The following HNRNPLL variants were observed in gnomAD, a reference collection of about 807,000 sequenced individuals.
HNRNPLL encodes heterogeneous nuclear ribonucleoprotein L-like.
A neutral mutation model predicts 67.1 loss-of-function variants in HNRNPLL; 25 were observed. That is an observed-to-expected ratio of 0.37 (90% CI 0.27 to 0.52). HNRNPLL has a LOEUF of 0.52. HNRNPLL is among the 20% of genes least tolerant of loss of function. The pLI, the probability that HNRNPLL is intolerant of heterozygous loss-of-function variation, is 0.90. For missense variants in HNRNPLL, 542 were observed against 673.9 expected (o/e 0.80, Z 2.17); for synonymous variants, 267 against 241.7 (o/e 1.10, Z -0.97).
intron 1 of HNRNPLL, among the ~76,000 whole-genome samples, chr2:38,600,474 C>G (rs887427392): frequency 5.9e-5 from 9 of 152,082 alleles, no homozygotes; most frequent in Admixed American, 4.6e-4. Flanking sequence ...CGGCTGTAAT[C>G]CCAGCACTTT....
chr2:38,575,487 T>A (rs542970789), intron 7 of HNRNPLL, among the ~76,000 whole-genome samples: 2 of 151,962 alleles, frequency 1.3e-5, no homozygotes, highest in African/African-American at 4.8e-5. Flanking sequence ...AATCTATGTA[T>A]CAATTTCTGC....
Position 38,602,531 on chromosome 2 carries a change from G to T in HNRNPLL, c.96C>A (p.Ile32=), listed in dbSNP as rs747433177. The T allele has an allele frequency of 8.3e-6, 13 of 1,556,944 alleles. No homozygotes were observed. Among genetic ancestry groups the T allele is most frequent in the African/African-American group, 5.4e-5 (4 of 73,616 alleles). The change falls in exon 1 of 13, where the codon ATC becomes ATA. Residue 32 remains isoleucine (I), a synonymous_variant. Transcript: ENST00000449105. ...TCTCGCCTTCCTCGGCCGAGTAGTC[G>T]ATCTCCCCCTCCTCGGTCTTGAGAC... The part of the protein sequence containing the change: ...AKRLKTEEGE[I]DYSAEEGENR...
chr2:38,569,036 G>A, intron 10 of HNRNPLL, 97 bp downstream of exon 10: 1 of 859,094 alleles, frequency 1.2e-6, no homozygotes, highest in Non-Finnish European at 1.9e-6. Flanking sequence ...AACATCAAAA[G>A]CAAAAGAATG....
intron 2 of HNRNPLL, 137 bp from the exon 3 acceptor site, chr2:38,586,018 A>C: frequency 4.6e-6 from 3 of 657,656 alleles, no homozygotes; most frequent in South Asian, 3.7e-5. Context: ...TGTCCAACGT[A>C]AGTCAACTTT....
At chr2:38,573,164 C>T (rs2148345050) in intron 8 of HNRNPLL, 46 bp downstream of exon 8, 1 of 1,284,278 alleles carries the variant, frequency 7.8e-7, no homozygotes, top group African/African-American at 1.5e-5. Context: ...TTCAGAGTTA[C>T]CACTGAATAT....
rs750815541 is a variant in HNRNPLL, at chr2:38,573,430, AT to A, written c.875-4del. 2 of 1,581,244 alleles carry A rather than the reference AT, an allele frequency of 1.3e-6. No individual in the cohort carries two copies. The highest frequency in any genetic ancestry group is 2.7e-5 in the African/African-American group (2 of 73,654). ...AGGCAATAATGGACCATGGGATCCT[AT>A]AAAAATGATCAAAATAAATAAATTA... On this transcript the variant is annotated splice_polypyrimidine_tract_variant and splice_region_variant and intron_variant, in intron 7 of 12. Transcript: ENST00000449105.
Position 38,582,830 on chromosome 2 carries a change from G to C in HNRNPLL, c.633-662C>G, listed in dbSNP as rs116607314. On this transcript the variant is annotated intron_variant, in intron 4 of 12. Transcript: ENST00000449105. ...AGCTACTTGGGAGGCTGAGACACGG[G>C]AATCACTTGACCACCCTGGGCAACA... is the stretch of plus-strand genomic sequence containing the variant. Among the ~76,000 whole-genome samples, 615 of 150,452 alleles carry C rather than the reference G, an allele frequency of 4.1e-3. 4 individuals carry two copies. The highest frequency in any genetic ancestry group is 0.014 in the African/African-American group (581 of 40,786).
intron 1 of HNRNPLL, among the ~76,000 whole-genome samples, chr2:38,596,871 C>A (rs1667214637): frequency 6.6e-6 from 1 of 152,148 alleles, no homozygotes; most frequent in Admixed American, 6.5e-5. Context: ...ATGCACTTTA[C>A]AAACTTACAT....
In HNRNPLL at chr2:38,569,341, A is replaced by G. The variant is rs1665983526; in HGVS notation, c.1215-7T>C. The G allele has an allele frequency of 6.3e-7, 1 of 1,591,588 alleles. No individual in the cohort carries two copies. Among genetic ancestry groups the G allele is most frequent in the South Asian group, 1.1e-5 (1 of 90,558 alleles). ...TGAATGTTGTTTAGACACGCTAAAGATTGTAAAGAAAAGACATACAAAAGT... is the reference window on the plus strand; with the variant it reads ...TGAATGTTGTTTAGACACGCTAAAGGTTGTAAAGAAAAGACATACAAAAGT... On this transcript the variant is annotated splice_region_variant and splice_polypyrimidine_tract_variant and intron_variant, in intron 9 of 12. Transcript: ENST00000449105.
chr2:38,594,418 G>A (rs1178113300), intron 1 of HNRNPLL, among the ~76,000 whole-genome samples: 1 of 152,040 alleles, frequency 6.6e-6, no homozygotes, highest in Non-Finnish European at 1.5e-5. Flanking sequence ...GGCATGAAAT[G>A]TCATGATGTT....
intron 2 of HNRNPLL, among the ~76,000 whole-genome samples, chr2:38,590,439 T>G (rs752765520): frequency 4.6e-5 from 7 of 152,172 alleles, no homozygotes; most frequent in Non-Finnish European, 8.8e-5. Context: ...ACTTGATCTG[T>G]GTCTTCGATA....
chr2:38,588,899 A>T (rs1666847170), intron 2 of HNRNPLL, among the ~76,000 whole-genome samples: 1 of 152,128 alleles, frequency 6.6e-6, no homozygotes, highest in South Asian at 2.1e-4. Flanking sequence ...CAGAGAGAAA[A>T]GGCTAAAGAA....
chr2:38,590,200 A>C (rs528238399), intron 2 of HNRNPLL, among the ~76,000 whole-genome samples: 1 of 152,210 alleles, frequency 6.6e-6, no homozygotes, highest in Non-Finnish European at 1.5e-5. Context: ...CACCCAAGAA[A>C]ATAAAATTAT....
intron 3 of HNRNPLL, among the ~76,000 whole-genome samples, chr2:38,585,158 T>C (rs1466011353): frequency 2.0e-5 from 3 of 152,178 alleles, no homozygotes; most frequent in African/African-American, 7.2e-5. Flanking sequence ...AAATCCTTTT[T>C]AAAACTTCTA....
rs767467059 is a variant in HNRNPLL at position 38,602,603 on chromosome 2, G to A, written c.24C>T (p.Pro8=). 21 of 1,563,810 alleles carry A rather than the reference G, an allele frequency of 1.3e-5. No individual in the cohort carries two copies. Among genetic ancestry groups the A allele is most frequent in the African/African-American group, 1.4e-5 (1 of 72,410 alleles). The part of the protein sequence containing the change: MSSSSSS[P]RETYEEDREY... ...CCCGGTCCTCCTCGTACGTCTCCCT[G>A]GGGGAGGAAGAGGAGGAGGACATGG... is the stretch of plus-strand genomic sequence containing the variant. Residue 8 remains proline, a synonymous_variant, in exon 1 of 13, where the codon CCC becomes CCT. Coordinates refer to ENST00000449105, the MANE Select transcript of HNRNPLL (RefSeq NM_138394.4).
chr2:38,564,024 A>G lies in HNRNPLL; in HGVS notation c.*158T>C. ...TGAAAACAATTCAATATTTAAGCTT[A>G]CAACAAATTTACTCAAGGCAAAATA... On this transcript the variant is annotated 3_prime_UTR_variant, in exon 13 of 13. Transcript: ENST00000449105. 1 of 599,606 alleles carries G rather than the reference A, an allele frequency of 1.7e-6. No individual in the cohort carries two copies. Among genetic ancestry groups the G allele is most frequent in the Non-Finnish European group, 3.0e-6 (1 of 333,690 alleles). 37.1% of individuals were successfully genotyped at this position (599,606 alleles called of 1,614,324 possible). A position where few individuals can be genotyped will look rare whatever the true frequency, so the allele number is the denominator to read the frequency against.
chr2:38,571,646 T>C (rs1666089027), intron 8 of HNRNPLL, among the ~76,000 whole-genome samples: 1 of 152,182 alleles, frequency 6.6e-6, no homozygotes, highest in Non-Finnish European at 1.5e-5. Context: ...CCAATGACTA[T>C]CTGCAAATCT....
At chr2:38,574,028 T>C (rs1189871420) in intron 7 of HNRNPLL, among the ~76,000 whole-genome samples, 1 of 151,942 alleles carries the variant, frequency 6.6e-6, no homozygotes, top group African/African-American at 2.4e-5. Context: ...ACAACTTCCA[T>C]TTTTTTGAAA....
At chr2:38,600,311 C>T (rs1163013823) in intron 1 of HNRNPLL, among the ~76,000 whole-genome samples, 2 of 152,150 alleles carry the variant, frequency 1.3e-5, no homozygotes, top group Non-Finnish European at 2.9e-5. Flanking sequence ...TTAAAAGCAG[C>T]ATTAGCATTA....
Sources: gnomAD v4.1 joint callset for allele counts (sites outside exome capture counted in the v4.1 genomes callset) on GRCh38, gnomAD v4.1.1 for gene constraint, MANE v1.5 for transcripts, NCBI Gene and HGNC (gene_info 2026-07-23, HGNC 2026-07-21) for gene names.